Variants in NALF1 observed in about 807,000 individuals in gnomAD.
NALF1 encodes NALCN channel auxiliary factor 1.
Under a neutral mutation model 48.4 loss-of-function variants are expected in NALF1, and 3 were observed. That is an observed-to-expected ratio of 0.06 (90% confidence interval 0.03 to 0.16). The LOEUF is 0.16. Ranked by LOEUF, NALF1 falls within the 10% of genes least tolerant of loss-of-function variation. NALF1 has a pLI of 1.00. For missense variants in NALF1, 526 were observed against 571.5 expected, an observed-to-expected ratio of 0.92 and a Z score of 0.81; for synonymous variants, 262 against 245.7, an observed-to-expected ratio of 1.07 and a Z score of -0.62.
At chr13:107,630,162 AT>A (rs1879794849) in intron 1 of NALF1, among the ~76,000 whole-genome samples, 1 of 136,744 alleles carries the variant, frequency 7.3e-6, no homozygotes, top group South Asian at 2.5e-4. Context: ...CTGATTTTTC[AT>A]AAAAAATTTG....
chr13:107,379,286 A>G (rs1188129277), intron 1 of NALF1, among the ~76,000 whole-genome samples: 1 of 152,170 alleles, frequency 6.6e-6, no homozygotes, highest in Non-Finnish European at 1.5e-5. Flanking sequence ...TCACCAAGGA[A>G]ACAGCCGGAA....
At chr13:107,696,143 C>T (rs1881696622) in intron 1 of NALF1, among the ~76,000 whole-genome samples, 2 of 152,156 alleles carry the variant, frequency 1.3e-5, no homozygotes, top group Non-Finnish European at 2.9e-5. Flanking sequence ...CTAATCTGCC[C>T]TTCTTGGCCT....
chr13:107,824,902 A>C (rs777539955), intron 1 of NALF1, among the ~76,000 whole-genome samples: 3 of 152,200 alleles, frequency 2.0e-5, no homozygotes, highest in Non-Finnish European at 2.9e-5. Flanking sequence ...GGCCAATGTC[A>C]GATGTGTGAA....
intron 1 of NALF1, among the ~76,000 whole-genome samples, chr13:107,731,696 C>T (rs1218225303): frequency 6.6e-6 from 1 of 152,068 alleles, no homozygotes; most frequent in Non-Finnish European, 1.5e-5. Flanking sequence ...GGATGATGGC[C>T]TCCAGCTTCA....
At chr13:107,644,604 A>C (rs1880254012) in intron 1 of NALF1, among the ~76,000 whole-genome samples, 1 of 135,356 alleles carries the variant, frequency 7.4e-6, no homozygotes, top group Non-Finnish European at 1.6e-5. Flanking sequence ...CCTTTAAAAA[A>C]GACATTTAGA....
At chr13:107,735,783 C>T (rs192958829) in intron 1 of NALF1, among the ~76,000 whole-genome samples, 1 of 152,132 alleles carries the variant, frequency 6.6e-6, no homozygotes, top group Non-Finnish European at 1.5e-5. Flanking sequence ...ATCTCTTTAC[C>T]CACCAACTCT....
At chr13:107,188,648 T>C (rs1348429058) in intron 2 of NALF1, among the ~76,000 whole-genome samples, 1 of 152,202 alleles carries the variant, frequency 6.6e-6, no homozygotes, top group South Asian at 2.1e-4. Flanking sequence ...CTAATATTAA[T>C]AGAATTATAT....
Position 107,661,924 on chromosome 13 carries a change from A to T in NALF1, c.915+203758T>A, listed in dbSNP as rs146635278. On this transcript the variant is annotated intron_variant, in intron 1 of 2. Coordinates refer to ENST00000375915, the MANE Select transcript of NALF1 (RefSeq NM_001080396.3). ...ATTTCTTATTTTTTTCAACTCTTAA[A>T]CCCAATCCTGTAAATTTATTTCTAT... 3.3e-5 allele frequency among the ~76,000 whole-genome samples: 5 copies of T among 152,338 alleles called. No homozygotes were observed. The East Asian group carries it at 9.7e-4, about 29-fold the overall frequency.
chr13:107,833,559 T>C (rs1474349444), intron 1 of NALF1, among the ~76,000 whole-genome samples: 1 of 152,226 alleles, frequency 6.6e-6, no homozygotes, highest in Admixed American at 6.5e-5. Flanking sequence ...CATGTTTAAA[T>C]GTATTTTTTA....
chr13:107,328,134 TC>T (rs1882400137), intron 1 of NALF1, among the ~76,000 whole-genome samples: 1 of 152,066 alleles, frequency 6.6e-6, no homozygotes, highest in Non-Finnish European at 1.5e-5. Context: ...CCCAGGCTGA[TC>T]CTGAGCTCCT....
At chr13:107,175,795 C>T (rs563152795) in intron 2 of NALF1, among the ~76,000 whole-genome samples, 1 of 152,186 alleles carries the variant, frequency 6.6e-6, no homozygotes, top group African/African-American at 2.4e-5. Context: ...TGGTTTCACC[C>T]TGCATTCCTC....
chr13:107,585,039 C>A, intron 1 of NALF1, among the ~76,000 whole-genome samples: 1 of 152,144 alleles, frequency 6.6e-6, no homozygotes, highest in East Asian at 1.9e-4. Flanking sequence ...TGTGACATAA[C>A]TGCAATTCTA....
chr13:107,765,660 T>C (rs1400987373), intron 1 of NALF1, among the ~76,000 whole-genome samples: 1 of 152,192 alleles, frequency 6.6e-6, no homozygotes, highest in Non-Finnish European at 1.5e-5. Context: ...ATAGGATCCC[T>C]GCCCACCCAT....
chr13:107,389,546 G>C (rs1234315798), intron 1 of NALF1, among the ~76,000 whole-genome samples: 1 of 152,136 alleles, frequency 6.6e-6, no homozygotes, highest in Non-Finnish European at 1.5e-5. Flanking sequence ...CTGGCCTCCA[G>C]AAATTTGAGA....
chr13:107,781,189 T>C (rs930342917), intron 1 of NALF1, among the ~76,000 whole-genome samples: 3 of 152,202 alleles, frequency 2.0e-5, no homozygotes, highest in Admixed American at 6.5e-5. Context: ...AAAAATTTCA[T>C]TTTGTTTCTG....
chr13:107,193,036 T>C (rs9558971), intron 2 of NALF1, among the ~76,000 whole-genome samples: 23,164 of 151,328 alleles, frequency 0.15, 1,918 homozygotes, highest in East Asian at 0.39. Flanking sequence ...TACATTATGC[T>C]TATATGCTGT....
At chr13:107,452,301 A>G (rs1436653775) in intron 1 of NALF1, among the ~76,000 whole-genome samples, 1 of 152,208 alleles carries the variant, frequency 6.6e-6, no homozygotes, top group Non-Finnish European at 1.5e-5. Context: ...AAGACTAGGT[A>G]ATTTATAAAG....
At chr13:107,449,320 A>G (rs1884703045) in intron 1 of NALF1, among the ~76,000 whole-genome samples, 1 of 152,136 alleles carries the variant, frequency 6.6e-6, no homozygotes, top group African/African-American at 2.4e-5. Context: ...GTGGAGTGTG[A>G]AACTGGAACA....
At chr13:107,291,085 C>A (rs905553751) in intron 1 of NALF1, among the ~76,000 whole-genome samples, 1 of 150,852 alleles carries the variant, frequency 6.6e-6, no homozygotes, top group Non-Finnish European at 1.5e-5. Flanking sequence ...TCTCCTTAGG[C>A]AGATTATCTA....
Sources: allele counts gnomAD v4.1 joint callset (sites outside exome capture counted in the v4.1 genomes callset), GRCh38; gene constraint gnomAD v4.1.1; transcripts MANE v1.5; gene names NCBI Gene and HGNC (gene_info 2026-07-23, HGNC 2026-07-21).